GDAP1: variants seen among roughly 807,000 people sequenced by gnomAD.
GDAP1 encodes ganglioside induced differentiation associated protein 1.
In GDAP1, 34 loss-of-function variants were observed where a neutral mutation model predicts 40.1. The observed-to-expected ratio is 0.85, with a 90% confidence interval of 0.64 to 1.13. The LOEUF (loss-of-function observed/expected upper bound fraction) is 1.13. Among genes scored for constraint, GDAP1 ranks in the 50% most tolerant of loss-of-function variants. The probability of loss-of-function intolerance (pLI) is 0.00; values close to 1 mark genes in which losing one functional copy is unlikely to be tolerated. For synonymous variants in GDAP1, 170 were observed against 157.4 expected (o/e 1.08, Z -0.60); for missense variants, 374 against 433.7 (o/e 0.86, Z 1.22).
rs376338731 is a variant in GDAP1, at chr8:74,403,266, C to G, written c.165+51945C>G. 3.2e-4 allele frequency among the ~76,000 whole-genome samples: 48 copies of G among 150,008 alleles called. 1 individual carries two copies. The East Asian group carries it at 8.7e-3, about 27-fold the overall frequency. Reference sequence around the variant, plus strand: ...TTAAGGTTTATTAGTATTGGAGTCTCCATCCTACCAATTTCATTACAGTAT... The same window carrying G: ...TTAAGGTTTATTAGTATTGGAGTCTGCATCCTACCAATTTCATTACAGTAT... On this transcript the variant is annotated intron_variant, in intron 2 of 2. Transcript: ENST00000523640.
chr8:74,483,110 A>G (rs758616188), intron 2 of GDAP1, among the ~76,000 whole-genome samples: 5 of 152,190 alleles, frequency 3.3e-5, no homozygotes, highest in Non-Finnish European at 7.4e-5. Flanking sequence ...GAATGAGACC[A>G]TAGAGCTAGT....
At chr8:74,484,661 G>C (rs138673380) in intron 2 of GDAP1, among the ~76,000 whole-genome samples, 13 of 152,112 alleles carry the variant, frequency 8.5e-5, no homozygotes, top group African/African-American at 3.1e-4. Flanking sequence ...CCACATTACT[G>C]CTCCTGGGAA....
chr8:74,362,089 C>G (rs948357639), intron 4 of GDAP1, 111 bp downstream of exon 4: 18 of 711,580 alleles, frequency 2.5e-5, no homozygotes, highest in Non-Finnish European at 1.0e-5. Flanking sequence ...TGCAGTTCAC[C>G]AGTACACATG....
chr8:74,355,493 T>C (rs1809053100), intron 2 of GDAP1, among the ~76,000 whole-genome samples: 3 of 152,320 alleles, frequency 2.0e-5, no homozygotes, highest in Admixed American at 6.5e-5. Flanking sequence ...TCTTTAACTC[T>C]GAGCATGTGG....
At chr8:74,467,389 G>A (rs533050875) in intron 2 of GDAP1, among the ~76,000 whole-genome samples, 1 of 152,318 alleles carries the variant, frequency 6.6e-6, no homozygotes, top group African/African-American at 2.4e-5. Flanking sequence ...GAACAGATAA[G>A]CAGCTAGATT....
intron 2 of GDAP1, among the ~76,000 whole-genome samples, chr8:74,382,771 A>G (rs555720184): frequency 3.2e-4 from 49 of 152,144 alleles, no homozygotes; most frequent in African/African-American, 1.2e-3. Flanking sequence ...TCTGTATAGA[A>G]TTTCACTTTT....
At chr8:74,448,347 A>C (rs1451783779) in intron 2 of GDAP1, among the ~76,000 whole-genome samples, 1 of 152,076 alleles carries the variant, frequency 6.6e-6, no homozygotes, top group Non-Finnish European at 1.5e-5. Flanking sequence ...TTATTGCTGA[A>C]GAGTTTTGTT....
In GDAP1 at chr8:74,350,545, G is replaced by C. The variant is rs369699645; in HGVS notation, c.84G>C (p.Leu28=). ...GKADAEVKLI[L]YHWTHSFSSQ... is the part of the protein sequence containing the mutation. ...CCGACGCGGAGGTTAAGCTCATTCT[G>C]TACCATTGGACGCATTCCTTCAGCT... The change falls in exon 1 of 6, where the codon CTG becomes CTC. Residue 28 remains leucine, a synonymous_variant. Coordinates refer to ENST00000220822, the MANE Select transcript of GDAP1 (RefSeq NM_018972.4). The C allele has an allele frequency of 5.0e-6, 8 of 1,611,672 alleles. No homozygotes were observed. The highest frequency in any genetic ancestry group is 5.9e-6 in the Non-Finnish European group (7 of 1,177,766).
At chr8:74,403,384 A>T (rs1172739134) in intron 2 of GDAP1, among the ~76,000 whole-genome samples, 1 of 149,836 alleles carries the variant, frequency 6.7e-6, no homozygotes, top group Non-Finnish European at 1.5e-5. Flanking sequence ...TTAATTATTA[A>T]TTTTTTTTCT....
At chr8:74,387,914 G>T (rs774097889) in intron 2 of GDAP1, among the ~76,000 whole-genome samples, 4 of 151,736 alleles carry the variant, frequency 2.6e-5, no homozygotes, top group African/African-American at 7.3e-5. Context: ...TCTTGGGAGG[G>T]TGTATGTGTC....
At chr8:74,410,432 A>G (rs1211468589) in intron 2 of GDAP1, among the ~76,000 whole-genome samples, 1 of 150,238 alleles carries the variant, frequency 6.7e-6, no homozygotes, top group Non-Finnish European at 1.5e-5. Flanking sequence ...GAAATATTAG[A>G]CAAGACATAA....
chr8:74,407,491 T>A (rs1805656827), intron 2 of GDAP1, among the ~76,000 whole-genome samples: 1 of 149,642 alleles, frequency 6.7e-6, no homozygotes, highest in South Asian at 2.1e-4. Context: ...GCCTCCACCT[T>A]TCTCCCGTGC....
intron 2 of GDAP1, among the ~76,000 whole-genome samples, chr8:74,386,502 T>C (rs1286944012): frequency 6.6e-6 from 1 of 152,174 alleles, no homozygotes; most frequent in Non-Finnish European, 1.5e-5. Flanking sequence ...TGTAGATGTG[T>C]GGCGTTATTC....
At chr8:74,460,436 C>T (rs1431394158) in intron 2 of GDAP1, among the ~76,000 whole-genome samples, 2 of 152,216 alleles carry the variant, frequency 1.3e-5, no homozygotes, top group Non-Finnish European at 2.9e-5. Context: ...CAACTTCTGA[C>T]CCTGCAACTT....
At chr8:74,474,060 A>G (rs904389746) in intron 2 of GDAP1, among the ~76,000 whole-genome samples, 1 of 152,112 alleles carries the variant, frequency 6.6e-6, no homozygotes, top group Non-Finnish European at 1.5e-5. Context: ...TCTTTGTGGC[A>G]ATTGTGAATG....
In GDAP1 at chr8:74,431,890, A is replaced by G. The variant is rs114158985; in HGVS notation, c.166-56788A>G. ...TTAGTAAATACGTGATTGTGGGAAA[A>G]TAATTTCACCTTTCTGTTTTATAAT... On this transcript the variant is annotated intron_variant, in intron 2 of 2. Transcript: ENST00000523640. Among the ~76,000 whole-genome samples the G allele has an allele frequency of 9.5e-3, 1,448 of 152,252 alleles. 25 individuals carry two copies. The highest frequency in any genetic ancestry group is 0.033 in the African/African-American group (1,384 of 41,542).
intron 2 of GDAP1, among the ~76,000 whole-genome samples, chr8:74,371,889 C>T (rs1809759654): frequency 2.0e-5 from 3 of 152,012 alleles, no homozygotes; most frequent in Non-Finnish European, 4.4e-5. Flanking sequence ...TCGTCATTTA[C>T]ATTAGGTATA....
chr8:74,475,223 CA>C (rs1467226936), intron 2 of GDAP1, among the ~76,000 whole-genome samples: 1 of 150,394 alleles, frequency 6.6e-6, no homozygotes, highest in Non-Finnish European at 1.5e-5. Context: ...TATTTTTTTT[CA>C]AAAACCAACT....
At chr8:74,422,335 TTCTTTCTTTCTTTCTTC>T (rs1175084865) in intron 2 of GDAP1, among the ~76,000 whole-genome samples, 1,469 of 61,656 alleles carry the variant, frequency 0.024, 24 homozygotes, top group Middle Eastern at 0.059. Flanking sequence ...CTTTCTTTCT[TTCTTTCTTTCTTTCTTC>T]CCTTCCTTCC....
Sources: gnomAD v4.1 joint callset for allele counts (sites outside exome capture counted in the v4.1 genomes callset) on GRCh38, gnomAD v4.1.1 for gene constraint, MANE v1.5 for transcripts, NCBI Gene and HGNC (gene_info 2026-07-23, HGNC 2026-07-21) for gene names.